Variants in BCAR1 observed in about 807,000 individuals in gnomAD.
BCAR1 encodes BCAR1 scaffold protein, Cas family member, also known as breast cancer anti-estrogen resistance protein 1.
Under a neutral mutation model 67.6 loss-of-function variants are expected in BCAR1, and 30 were observed. That is an observed-to-expected ratio of 0.44 (90% CI 0.33 to 0.60). BCAR1 has a LOEUF of 0.60. BCAR1 is among the 20% of genes least tolerant of loss of function. The pLI is 0.02. For synonymous variants in BCAR1, 626 were observed against 556.7 expected (o/e 1.12, Z -1.75); for missense variants, 1,313 against 1,222.3 (o/e 1.07, Z -1.11).
chr16:75,233,254 T>C (rs955217372), intron 6 of BCAR1, among the ~76,000 whole-genome samples: 4 of 151,896 alleles, frequency 2.6e-5, no homozygotes, highest in Admixed American at 6.6e-5. Flanking sequence ...GCGCCTGTAA[T>C]CCCAACTACT....
At chr16:75,261,133 A>G (rs909111178) in intron 1 of BCAR1, among the ~76,000 whole-genome samples, 3 of 152,188 alleles carry the variant, frequency 2.0e-5, no homozygotes, top group South Asian at 2.1e-4. Flanking sequence ...GAGGTCCCCA[A>G]CCTGTCCCCA....
chr16:75,250,944 C>T, intron 1 of BCAR1: 1 of 985,498 alleles, frequency 1.0e-6, no homozygotes, highest in East Asian at 1.1e-4. Context: ...CGGAGTGAAT[C>T]ATTAACTGGA....
chr16:75,252,416 ATAGAAGG>A, upstream of BCAR1: 1 of 1,452,912 alleles, frequency 6.9e-7, no homozygotes, highest in Non-Finnish European at 9.1e-7. Flanking sequence ...AATGAGGGAG[ATAGAAGG>A]AAGAATCACT....
At position 75,228,744 on chromosome 16, in the gene BCAR1, G is replaced by A. The variant is rs1248440470; in HGVS notation, c.*767C>T. The A allele has an allele frequency of 1.3e-5, 2 of 152,302 alleles. No individual in the cohort carries two copies. The highest frequency in any genetic ancestry group is 4.8e-5 in the African/African-American group (2 of 41,464). The allele number at this position is 152,302 out of a possible 1,614,324, so 9.4% of individuals were successfully genotyped here. A position where few individuals can be genotyped will look rare whatever the true frequency, so the allele number is the denominator to read the frequency against. On this transcript the variant is annotated 3_prime_UTR_variant, in exon 7 of 7. Transcript: ENST00000162330. ...CTGTGGCAGCTCCCTAGGGTTGCAG[G>A]GGCCATGCCCAGGCTGTGCTTTCTG...
intron 1 of BCAR1, chr16:75,266,281 T>C (rs11641896): frequency 0.88 from 138,424 of 157,710 alleles, 61,220 homozygotes; most frequent in East Asian, 1. Flanking sequence ...CGGCGGAAGG[T>C]GATCGCGGGG....
At chr16:75,240,790 G>A (rs749563144) in intron 2 of BCAR1, among the ~76,000 whole-genome samples, 1 of 152,238 alleles carries the variant, frequency 6.6e-6, no homozygotes, top group Non-Finnish European at 1.5e-5. Context: ...AGGGCCCTTG[G>A]GGCACAGGTC....
chr16:75,242,745 G>T lies in BCAR1; in HGVS notation c.358C>A (p.Pro120Thr). The stretch of plus-strand genomic sequence containing the variant: ...TAGAGGCCTTGCTGAGCCTTGCTGG[G>T]AGTGGGCACCAGGTAGACGCTGTCT... ...QPDSVYLVPTPSKAQQGLYQV... is the reference protein window; with the variant it reads ...QPDSVYLVPTTSKAQQGLYQV... Residue 120 changes from proline (P) to threonine (T), a missense_variant, in exon 2 of 7, where the codon CCC (proline) becomes ACC (threonine). Pro to Thr is a conservative substitution (Grantham distance 38, BLOSUM62 -1). Around this residue, in one of 2 missense-constraint regions of BCAR1, gnomAD observed 1,272 missense variants for 1,137.5 expected, o/e 1.12. Transcript: ENST00000162330. The T allele has an allele frequency of 6.3e-7, 1 of 1,588,858 alleles. No homozygotes were observed. The highest frequency in any genetic ancestry group is 1.2e-5 in the South Asian group (1 of 86,368).
chr16:75,242,460 A>C lies in BCAR1; in HGVS notation c.633+10T>G. 2.8e-6 allele frequency: 4 copies of C among 1,437,344 alleles called. No individual in the cohort carries two copies. The highest frequency in any genetic ancestry group is 3.7e-6 in the Non-Finnish European group (4 of 1,095,272). 89.0% of individuals were successfully genotyped at this position (1,437,344 alleles called of 1,614,324 possible). Reference sequence around the variant, plus strand: ...TGTGTGGCTGCACAACTGTGCCAGGACAGCCTTACCTTTGCCGGGGGCTTC... The same window carrying C: ...TGTGTGGCTGCACAACTGTGCCAGGCCAGCCTTACCTTTGCCGGGGGCTTC... On this transcript the variant is annotated intron_variant, in intron 2 of 6. Transcript: ENST00000162330.
At chr16:75,243,550 G>A (rs908332392) in intron 1 of BCAR1, 9 of 371,480 alleles carry the variant, frequency 2.4e-5, no homozygotes, top group Admixed American at 1.1e-4. Flanking sequence ...ACAACAATAA[G>A]ACAGAGCTTC....
rs66918508 is a variant in BCAR1, at chr16:75,267,401, G to C, written c.66+514C>G. Among the ~76,000 whole-genome samples, 9 of 132,672 alleles carry C rather than the reference G, an allele frequency of 6.8e-5. 1 individual carries two copies. Among genetic ancestry groups the C allele is most frequent in the Admixed American group, 3.1e-4 (4 of 13,006 alleles). 87.0% of individuals were successfully genotyped at this position (132,672 alleles called of 152,430 possible). ...AGCAGGGCCACAGCAAGCCGGGGGGGGGGTGGGGGGCCTGGACCGACAGCT... is the reference window on the plus strand; with the variant it reads ...AGCAGGGCCACAGCAAGCCGGGGGGCGGGTGGGGGGCCTGGACCGACAGCT... On this transcript the variant is annotated intron_variant, in intron 1 of 6. Transcript: ENST00000393422.
chr16:75,241,186 T>G (rs992286068), intron 2 of BCAR1, among the ~76,000 whole-genome samples: 5 of 152,162 alleles, frequency 3.3e-5, no homozygotes, highest in Non-Finnish European at 4.4e-5. Flanking sequence ...TTTACACATA[T>G]GGGGTTTGGG....
At position 75,250,758 on chromosome 16, in the gene BCAR1, G is replaced by C. The variant is rs1597259082; in HGVS notation, c.12+713C>G. 5.1e-6 allele frequency: 5 copies of C among 985,436 alleles called. No individual in the cohort carries two copies. The South Asian group carries it at 1.9e-4, about 37-fold the overall frequency. The allele number at this position is 985,436 out of a possible 1,614,324, so 61.0% of individuals were successfully genotyped here. ...GGGTCCCCCAACCATGGACTCCAAA[G>C]CCTTCATGTCCACACTGCAGAACCC... On this transcript the variant is annotated intron_variant, in intron 1 of 6. Coordinates refer to ENST00000162330, the MANE Select transcript of BCAR1 (RefSeq NM_014567.5).
In BCAR1 at chr16:75,229,934, C is replaced by T. The variant is rs750619529; in HGVS notation, c.2190G>A (p.Pro730=). 54 of 1,604,934 alleles carry T rather than the reference C, an allele frequency of 3.4e-5. No individual in the cohort carries two copies. Among genetic ancestry groups the T allele is most frequent in the Middle Eastern group, 3.3e-4 (2 of 6,036 alleles). ...AGGGCCCCAGGCCGCCTGTTCGCCC[C>T]GGGGCCAGGGGTTGGGCTGGCGTCC... ...ANWTPAQPLA[P]GRTGGLGPSD... The change falls in exon 7 of 7, where the codon CCG becomes CCA. Residue 730 remains proline, a synonymous_variant. Transcript: ENST00000162330.
At chr16:75,232,092 C>T (rs1482195507) in intron 6 of BCAR1, among the ~76,000 whole-genome samples, 1 of 151,874 alleles carries the variant, frequency 6.6e-6, no homozygotes, top group Non-Finnish European at 1.5e-5. Flanking sequence ...CCATGTTGGT[C>T]AGGCTGGTCT....
At chr16:75,251,051 G>A (rs900297895) in intron 1 of BCAR1, 2 of 907,916 alleles carry the variant, frequency 2.2e-6, no homozygotes, top group Admixed American at 6.1e-5. Context: ...GGGAGCCGGT[G>A]GGCAGTCCCC....
intron 4 of BCAR1, chr16:75,236,228 G>A (rs933358844): frequency 7.1e-6 from 4 of 561,354 alleles, no homozygotes; most frequent in Admixed American, 3.7e-5. Flanking sequence ...TGACAGCTCT[G>A]GGACGAGCCG....
At chr16:75,230,081 G>A (rs1293146112) in intron 6 of BCAR1, 58 bp from the exon 7 acceptor site, 6 of 1,507,818 alleles carry the variant, frequency 4.0e-6, no homozygotes, top group African/African-American at 2.8e-5. Flanking sequence ...GGAACTACAG[G>A]CCGAGACCTG....
chr16:75,247,613 G>A (rs2077559191), intron 1 of BCAR1: 1 of 171,786 alleles, frequency 5.8e-6, no homozygotes, highest in Admixed American at 5.7e-5. Flanking sequence ...TCAGGCGGAA[G>A]CTGGTGTCGG....
chr16:75,243,338 G>C (rs1386855331), intron 1 of BCAR1: 1 of 637,412 alleles, frequency 1.6e-6, no homozygotes, highest in Non-Finnish European at 2.8e-6. Context: ...CTTGACCACT[G>C]TCACCACCAA....
Sources: gnomAD v4.1 joint callset for allele counts (sites outside exome capture counted in the v4.1 genomes callset) on GRCh38, gnomAD v4.1.1 for gene constraint, gnomAD v4.1.1 regional missense constraint, MANE v1.5 for transcripts, NCBI Gene and HGNC (gene_info 2026-07-23, HGNC 2026-07-21) for gene names.